Variants in MAEL observed in about 807,000 individuals in gnomAD.
MAEL encodes the protein maelstrom spermatogenic transposon silencer.
A neutral mutation model predicts 62.0 loss-of-function variants in MAEL; 46 were observed. That is an observed-to-expected ratio of 0.74 (90% CI 0.59 to 0.95). The LOEUF (loss-of-function observed/expected upper bound fraction) is 0.95, where lower values mean the gene tolerates loss of function less well. MAEL is among the 40% of genes least tolerant of loss of function. The pLI is 0.00. For missense variants in MAEL, 497 were observed against 526.8 expected, an observed-to-expected ratio of 0.94 and a Z score of 0.55; for synonymous variants, 172 against 175.5, an observed-to-expected ratio of 0.98 and a Z score of 0.16.
In MAEL at chr1:167,004,314, G is replaced by GA. The variant is rs1183860187; in HGVS notation, c.648+10_648+11insA. 6.3e-7 allele frequency: 1 copy of GA among 1,579,196 alleles called. No individual in the cohort carries two copies. The highest frequency in any genetic ancestry group is 8.6e-7 in the Non-Finnish European group (1 of 1,168,118). On this transcript the variant is annotated intron_variant, in intron 6 of 11. Coordinates refer to ENST00000367872, the MANE Select transcript of MAEL (RefSeq NM_032858.3). The stretch of plus-strand genomic sequence containing the variant: ...ACCTATCTACTGCAAGGTAATTTCA[G>GA]GTTAAGAAGTTCTTTTAAGGTATCA...
At chr1:166,990,065 C>A (rs1356028970) in intron 2 of MAEL, 2 of 469,986 alleles carry the variant, frequency 4.3e-6, no homozygotes, top group East Asian at 3.7e-5. Context: ...CTGGGGAATT[C>A]CTGTTAGGAA....
intron 8 of MAEL, among the ~76,000 whole-genome samples, chr1:167,007,557 T>TTG (rs71073634): frequency 0.021 from 2,635 of 128,430 alleles, 38 homozygotes; most frequent in Admixed American, 0.042. Context: ...AAATATATGT[T>TTG]TGTGTGTGTG....
At chr1:167,014,216 C>T (rs1280389885) in intron 8 of MAEL, among the ~76,000 whole-genome samples, 1 of 152,200 alleles carries the variant, frequency 6.6e-6, no homozygotes, top group African/African-American at 2.4e-5. Flanking sequence ...ATCTTCACAG[C>T]GTCTTGGGAC....
At chr1:167,008,377 C>G (rs908712618) in intron 8 of MAEL, among the ~76,000 whole-genome samples, 4 of 151,934 alleles carry the variant, frequency 2.6e-5, no homozygotes, top group Non-Finnish European at 5.9e-5. Context: ...GAAAATGATA[C>G]ATGTTATATA....
Position 167,021,732 on chromosome 1 carries a change from C to T in MAEL, c.1182C>T (p.Thr394=). The T allele has an allele frequency of 8.1e-6, 13 of 1,613,134 alleles. No individual in the cohort carries two copies. The highest frequency in any genetic ancestry group is 1.0e-5 in the Non-Finnish European group (12 of 1,179,652). Residue 394 remains threonine, a synonymous_variant, in exon 12 of 12, where the codon ACC becomes ACT. Transcript: ENST00000367872. ...GCAGCGTTCGGGGAAGAGGAATTAC[C>T]CGCTTACTAGAGAGCATTTCCAATT... ...QNSSVRGRGI[T]RLLESISNSS...
At chr1:167,016,938 T>C (rs1465186569) in intron 9 of MAEL, among the ~76,000 whole-genome samples, 4 of 151,926 alleles carry the variant, frequency 2.6e-5, no homozygotes, top group Admixed American at 6.6e-5. Context: ...ATCAAAACAA[T>C]TGAACCCATG....
intron 5 of MAEL, among the ~76,000 whole-genome samples, chr1:167,001,253 T>G (rs919343415): frequency 6.6e-6 from 1 of 152,094 alleles, no homozygotes; most frequent in African/African-American, 2.4e-5. Flanking sequence ...CTTTGGGGAC[T>G]TGGGGGCAGA....
chr1:166,999,818 C>G (rs998647430), intron 5 of MAEL, among the ~76,000 whole-genome samples: 1 of 152,182 alleles, frequency 6.6e-6, no homozygotes, highest in Non-Finnish European at 1.5e-5. Flanking sequence ...TTTACCCATT[C>G]TGAAAATCTT....
intron 5 of MAEL, among the ~76,000 whole-genome samples, chr1:166,998,730 C>T (rs1225496097): frequency 6.6e-6 from 1 of 152,162 alleles, no homozygotes; most frequent in Non-Finnish European, 1.5e-5. Context: ...TTGCACTTTG[C>T]ATATATTGCA....
intron 1 of MAEL, among the ~76,000 whole-genome samples, chr1:166,983,871 G>A (rs1298777798): frequency 6.6e-6 from 1 of 151,774 alleles, no homozygotes; most frequent in South Asian, 2.1e-4. Flanking sequence ...GCATGGTGGC[G>A]CACACCTGTA....
At position 166,980,770 on chromosome 1, in the gene MAEL, CA is replaced by C. The variant is rs1259758188; in HGVS notation, c.-121+5105del. 4.6e-5 allele frequency among the ~76,000 whole-genome samples: 7 copies of C among 152,276 alleles called. No homozygotes were observed. In the South Asian group the frequency reaches 1.2e-3, roughly 27 times the overall value. ...CATTGACAGCCCCCCAGATGAGCAG[CA>C]GAGCAATTCTTATACTAGTGGTCAA... On this transcript the variant is annotated intron_variant, in intron 1 of 12. Coordinates refer to the MAEL transcript ENST00000622874.
intron 9 of MAEL, among the ~76,000 whole-genome samples, chr1:167,017,168 A>G (rs1665430137): frequency 6.6e-6 from 1 of 152,198 alleles, no homozygotes; most frequent in Non-Finnish European, 1.5e-5. Context: ...AAGGATGAAT[A>G]CTTGAATGGA....
rs1454868426 is a variant in MAEL, at chr1:166,999,359, A to G, written c.524-4821A>G. On this transcript the variant is annotated intron_variant, in intron 5 of 11. Coordinates refer to ENST00000367872, the MANE Select transcript of MAEL (RefSeq NM_032858.3). Reference sequence around the variant, plus strand: ...CCATTGCTGATATGAAGAAAGTTTTAGTGGTCAGAATAGATCAACATTCTC... The same window carrying G: ...CCATTGCTGATATGAAGAAAGTTTTGGTGGTCAGAATAGATCAACATTCTC... Among the ~76,000 whole-genome samples the G allele has an allele frequency of 6.6e-5, 10 of 152,362 alleles. No individual in the cohort carries two copies. In the East Asian group the frequency reaches 1.9e-3, roughly 29 times the overall value.
chr1:166,999,204 A>G (rs1258934790), intron 5 of MAEL, among the ~76,000 whole-genome samples: 1 of 152,240 alleles, frequency 6.6e-6, no homozygotes, highest in East Asian at 1.9e-4. Flanking sequence ...ATGCATATCA[A>G]AAGCTGCAGT....
exon 1 of MAEL, chr1:166,975,607 C>CGCCCGCT (rs1663548395): frequency 6.6e-6 from 1 of 151,908 alleles, no homozygotes; most frequent in Non-Finnish European, 1.5e-5. Context: ...TCCGCCCCGC[C>CGCCCGCT]GCCCGCTGCC....
intron 10 of MAEL, among the ~76,000 whole-genome samples, chr1:167,020,852 A>G (rs1665595833): frequency 6.6e-6 from 1 of 152,050 alleles, no homozygotes; most frequent in Admixed American, 6.6e-5. Context: ...CAAACGTGCT[A>G]TAATCTCACT....
chr1:166,989,532 C>T, intron 1 of MAEL, 48 bp downstream of exon 1: 1 of 1,564,200 alleles, frequency 6.4e-7, no homozygotes, highest in Non-Finnish European at 8.7e-7. Flanking sequence ...GTTGGGCAAG[C>T]CGGAGGGTGA....
rs1230002889 is a variant in MAEL at position 167,021,158 on chromosome 1, T to C, written c.1115T>C (p.Ile372Thr). ...SNEEQRSNTPIGDYPSRAKIS... is the reference protein window; with the variant it reads ...SNEEQRSNTPTGDYPSRAKIS... ...GAGGAACAAAGATCAAACACACCCA[T>C]TGGTAAGCAACTTATATTTTACAAA... Residue 372 changes from isoleucine (I) to threonine (T), a missense_variant and splice_region_variant, in exon 11 of 12, where the codon ATT becomes ACT. Transcript: ENST00000367872. The C allele has an allele frequency of 8.7e-6, 14 of 1,608,976 alleles. No homozygotes were observed. The highest frequency in any genetic ancestry group is 1.2e-5 in the Non-Finnish European group (14 of 1,176,022).
chr1:166,992,646 G>A, intron 3 of MAEL, 40 bp from the exon 4 acceptor site: 1 of 1,445,784 alleles, frequency 6.9e-7, no homozygotes. Flanking sequence ...GTAAATTTGA[G>A]ACATTCATTT....
Sources: gnomAD v4.1 joint callset for allele counts (sites outside exome capture counted in the v4.1 genomes callset) on GRCh38, gnomAD v4.1.1 for gene constraint, MANE v1.5 for transcripts, NCBI Gene and HGNC (gene_info 2026-07-23, HGNC 2026-07-21) for gene names.